Variants in CAMKMT observed in about 807,000 individuals in gnomAD.
The protein encoded by CAMKMT is calmodulin-lysine N-methyltransferase, also known as CaM KMT.
A neutral mutation model predicts 48.0 loss-of-function variants in CAMKMT; 53 were observed. The ratio of observed to expected loss-of-function variants is 1.10; its 90% CI spans 0.89 to 1.39. CAMKMT has a LOEUF of 1.39. Among genes scored for constraint, CAMKMT ranks in the 40% most tolerant of loss-of-function variants. The pLI is 0.00. For missense variants in CAMKMT, 428 were observed against 402.7 expected, an observed-to-expected ratio of 1.06 and a Z score of -0.54; for synonymous variants, 165 against 152.3, an observed-to-expected ratio of 1.08 and a Z score of -0.61.
At chr2:44,593,026 A>G (rs992801780) in intron 3 of CAMKMT, among the ~76,000 whole-genome samples, 1 of 152,210 alleles carries the variant, frequency 6.6e-6, no homozygotes, top group Non-Finnish European at 1.5e-5. Flanking sequence ...TATAATGATA[A>G]GTATTTATAA....
At chr2:44,667,254 C>T (rs558520684) in intron 3 of CAMKMT, among the ~76,000 whole-genome samples, 5 of 152,148 alleles carry the variant, frequency 3.3e-5, no homozygotes, top group Non-Finnish European at 7.3e-5. Context: ...TCCTATCTTC[C>T]CATAAGGGAC....
At chr2:44,706,634 T>C (rs2104277357) in intron 5 of CAMKMT, among the ~76,000 whole-genome samples, 1 of 151,370 alleles carries the variant, frequency 6.6e-6, no homozygotes, top group African/African-American at 2.4e-5. Flanking sequence ...TTTTTTCAGA[T>C]TATAGTCCCA....
chr2:44,497,828 A>G (rs1445480962), intron 3 of CAMKMT, among the ~76,000 whole-genome samples: 1 of 152,106 alleles, frequency 6.6e-6, no homozygotes, highest in African/African-American at 2.4e-5. Context: ...ATCCTGACAT[A>G]GCAAGCAATT....
rs180759744 is a variant in CAMKMT, at chr2:44,583,119, A to C, written c.377-121164A>C. 1.4e-3 allele frequency among the ~76,000 whole-genome samples: 217 copies of C among 152,312 alleles called. 1 individual carries two copies. The highest frequency in any genetic ancestry group is 5.1e-3 in the African/African-American group (212 of 41,562). ...TAGCTCTTCACATCTGACCTATTTT[A>C]GTATTTCCTGCATTGCTCACTACTA... On this transcript the variant is annotated intron_variant, in intron 3 of 10. Coordinates refer to ENST00000378494, the MANE Select transcript of CAMKMT (RefSeq NM_024766.5).
intron 3 of CAMKMT, among the ~76,000 whole-genome samples, chr2:44,597,888 C>T (rs1227038229): frequency 2.0e-5 from 3 of 152,070 alleles, no homozygotes; most frequent in Middle Eastern, 3.2e-3. Flanking sequence ...AGGCATGCAC[C>T]ACCACCCTGG....
chr2:44,432,460 G>A (rs1365910162), intron 3 of CAMKMT, among the ~76,000 whole-genome samples: 1 of 152,154 alleles, frequency 6.6e-6, no homozygotes, highest in African/African-American at 2.4e-5. Flanking sequence ...ATGCCCCTGG[G>A]TCTCAGAAGA....
At chr2:44,510,327 A>C (rs1670476149) in intron 3 of CAMKMT, among the ~76,000 whole-genome samples, 1 of 152,150 alleles carries the variant, frequency 6.6e-6, no homozygotes, top group African/African-American at 2.4e-5. Flanking sequence ...TGTTAATTTG[A>C]GTTCATCTGA....
chr2:44,597,472 A>G (rs1315956146), intron 3 of CAMKMT, among the ~76,000 whole-genome samples: 1 of 152,164 alleles, frequency 6.6e-6, no homozygotes, highest in Non-Finnish European at 1.5e-5. Context: ...TGTCAATCCT[A>G]ATTTACATTC....
intron 6 of CAMKMT, among the ~76,000 whole-genome samples, chr2:44,708,577 A>G (rs537318582): frequency 4.6e-5 from 7 of 152,282 alleles, no homozygotes; most frequent in African/African-American, 1.4e-4. Flanking sequence ...CAAGGGAAGG[A>G]GATCACAAAA....
chr2:44,649,319 CT>C (rs1281686559), intron 3 of CAMKMT, among the ~76,000 whole-genome samples: 1 of 151,962 alleles, frequency 6.6e-6, no homozygotes, highest in African/African-American at 2.4e-5. Context: ...AGGTTCAGTC[CT>C]AGGTGCTGGC....
rs781618749 is a variant in CAMKMT at position 44,695,507 on chromosome 2, AAT to A, written c.377-8773_377-8772del. 7.5e-4 allele frequency among the ~76,000 whole-genome samples: 114 copies of A among 152,342 alleles called. 1 individual carries two copies. The highest frequency in any genetic ancestry group is 1.4e-3 in the Admixed American group (22 of 15,304). On this transcript the variant is annotated intron_variant, in intron 3 of 10. Transcript: ENST00000378494. Reference sequence around the variant, plus strand: ...TAAAATGTACTCTGGAAGAGATAAGAATATGTCTTGGATTCCAGAACTGTCCT... The same window carrying A: ...TAAAATGTACTCTGGAAGAGATAAGAATGTCTTGGATTCCAGAACTGTCCT...
chr2:44,445,444 C>G (rs1666923764), intron 3 of CAMKMT, among the ~76,000 whole-genome samples: 2 of 152,068 alleles, frequency 1.3e-5, no homozygotes, highest in Non-Finnish European at 2.9e-5. Context: ...TCCCGAACCC[C>G]TGGGATTCCC....
At chr2:44,703,889 C>G (rs1470694945) in intron 3 of CAMKMT, among the ~76,000 whole-genome samples, 1 of 151,830 alleles carries the variant, frequency 6.6e-6, no homozygotes, top group Non-Finnish European at 1.5e-5. Flanking sequence ...TGTGATCGTC[C>G]CATTTATTTT....
intron 3 of CAMKMT, among the ~76,000 whole-genome samples, chr2:44,589,860 G>T (rs527749116): frequency 1.8e-5 from 1 of 55,928 alleles, no homozygotes; most frequent in East Asian, 3.1e-4. Context: ...CCCCCTCTGC[G>T]AGAAACACCC....
intron 3 of CAMKMT, among the ~76,000 whole-genome samples, chr2:44,445,905 C>A (rs1192046947): frequency 3.3e-5 from 5 of 152,032 alleles, no homozygotes; most frequent in African/African-American, 9.7e-5. Context: ...CTGCCAGGAA[C>A]TCTTAGATAG....
At chr2:44,494,318 A>G (rs1669652749) in intron 3 of CAMKMT, among the ~76,000 whole-genome samples, 1 of 152,108 alleles carries the variant, frequency 6.6e-6, no homozygotes, top group Non-Finnish European at 1.5e-5. Flanking sequence ...TTATCCTTTG[A>G]ATTGTGTCCT....
chr2:44,654,213 A>G (rs771280830), intron 3 of CAMKMT, among the ~76,000 whole-genome samples: 4 of 152,240 alleles, frequency 2.6e-5, no homozygotes, highest in Non-Finnish European at 5.9e-5. Flanking sequence ...TAACATTTCC[A>G]AATCCAGTTG....
At chr2:44,732,725 G>A (rs1437832936) in intron 7 of CAMKMT, among the ~76,000 whole-genome samples, 1 of 152,178 alleles carries the variant, frequency 6.6e-6, no homozygotes, top group East Asian at 1.9e-4. Flanking sequence ...CTCTGGTGAA[G>A]TGTCTGTTCA....
intron 3 of CAMKMT, among the ~76,000 whole-genome samples, chr2:44,694,028 C>G (rs1676801562): frequency 6.6e-6 from 1 of 152,180 alleles, no homozygotes; most frequent in Non-Finnish European, 1.5e-5. Context: ...GTGTTGTCAT[C>G]ATGGAGCAAG....
Sources: gnomAD v4.1 joint callset for allele counts (sites outside exome capture counted in the v4.1 genomes callset) on GRCh38, gnomAD v4.1.1 for gene constraint, MANE v1.5 for transcripts, NCBI Gene and HGNC (gene_info 2026-07-23, HGNC 2026-07-21) for gene names.